Variants in PHACTR4 observed in about 807,000 individuals in gnomAD.
PHACTR4 encodes the protein protein phosphatase 1, regulatory subunit 124.
In PHACTR4, 51 loss-of-function variants were observed where a neutral mutation model predicts 72.7. That is an observed-to-expected ratio of 0.70 (90% CI 0.56 to 0.89). The LOEUF (loss-of-function observed/expected upper bound fraction) is 0.89, where lower values mean the gene tolerates loss of function less well. Among genes scored for constraint, PHACTR4 ranks in the 40% least tolerant of loss-of-function variants. PHACTR4 has a pLI of 0.00. For missense variants in PHACTR4, 731 were observed against 861.8 expected, an observed-to-expected ratio of 0.85 and a Z score of 1.90; for synonymous variants, 255 against 302.5, an observed-to-expected ratio of 0.84 and a Z score of 1.63.
intron 3 of PHACTR4, 47 bp from the exon 4 acceptor site, chr1:28,460,165 C>A: frequency 7.4e-7 from 1 of 1,348,188 alleles, no homozygotes; most frequent in Non-Finnish European, 1.1e-6. Flanking sequence ...GTAAGGTTGA[C>A]TTTCAACTGT....
intron 1 of PHACTR4, among the ~76,000 whole-genome samples, chr1:28,387,660 G>A (rs1652666400): frequency 6.6e-6 from 1 of 152,122 alleles, no homozygotes; most frequent in Non-Finnish European, 1.5e-5. Context: ...GCTGAGGCTG[G>A]AGGATTGCCT....
chr1:28,449,668 A>G (rs914455603), intron 2 of PHACTR4, among the ~76,000 whole-genome samples: 3 of 152,064 alleles, frequency 2.0e-5, no homozygotes, highest in African/African-American at 2.4e-5. Context: ...CCTGGCCAAC[A>G]TGGTGAAACC....
chr1:28,404,088 T>C (rs1474165160), intron 1 of PHACTR4, among the ~76,000 whole-genome samples: 2 of 152,102 alleles, frequency 1.3e-5, no homozygotes, highest in Non-Finnish European at 2.9e-5. Flanking sequence ...TAGCTGGGAC[T>C]ATAGGCACGT....
chr1:28,454,214 C>T (rs1658193679), intron 2 of PHACTR4, among the ~76,000 whole-genome samples: 1 of 150,298 alleles, frequency 6.7e-6, no homozygotes, highest in African/African-American at 2.4e-5. Flanking sequence ...TACCTCATAA[C>T]AGCTTCAAAG....
intron 2 of PHACTR4, among the ~76,000 whole-genome samples, chr1:28,416,892 A>G (rs2124322795): frequency 6.6e-6 from 1 of 152,248 alleles, no homozygotes; most frequent in Non-Finnish European, 1.5e-5. Flanking sequence ...TTGCTTAACC[A>G]AAGATTAGGT....
chr1:28,467,265 C>CATAAATGTA (rs1208907005), intron 6 of PHACTR4: 1 of 152,938 alleles, frequency 6.5e-6, no homozygotes, highest in Non-Finnish European at 1.5e-5. Flanking sequence ...GGCAGATGGC[C>CATAAATGTA]ATAAATGTAA....
At chr1:28,466,882 T>A (rs1403471028) in intron 6 of PHACTR4, 114 bp downstream of exon 6, 3 of 1,414,480 alleles carry the variant, frequency 2.1e-6, no homozygotes, top group Non-Finnish European at 2.9e-6. Context: ...CCATATCTTG[T>A]CCCTTTGAAT....
intron 1 of PHACTR4, among the ~76,000 whole-genome samples, chr1:28,380,035 GT>G (rs1440050440): frequency 7.8e-6 from 1 of 127,858 alleles, no homozygotes; most frequent in Non-Finnish European, 1.7e-5. Context: ...GTTATTCTGT[GT>G]TTTTTTAAAT....
rs566913741 is a variant in PHACTR4, at chr1:28,432,454, C to A, written c.16+24991C>A. Among the ~76,000 whole-genome samples the A allele has an allele frequency of 2.7e-5, 4 of 148,218 alleles. No individual in the cohort carries two copies. The South Asian group carries it at 8.5e-4, about 32-fold the overall frequency. On this transcript the variant is annotated intron_variant, in intron 2 of 13. Transcript: ENST00000373839. Reference sequence around the variant, plus strand: ...GTCCAGGAGTTTGAGACTGCCTGGACAACATAGTGTGACCCTGTCTCTATA... The same window carrying A: ...GTCCAGGAGTTTGAGACTGCCTGGAAAACATAGTGTGACCCTGTCTCTATA...
intron 9 of PHACTR4, among the ~76,000 whole-genome samples, chr1:28,482,192 T>C (rs1418353449): frequency 2.0e-5 from 3 of 152,088 alleles, no homozygotes; most frequent in Non-Finnish European, 4.4e-5. Flanking sequence ...CCACCACACC[T>C]GGCCAGCCTG....
At chr1:28,428,624 A>G (rs1344140488) in intron 2 of PHACTR4, among the ~76,000 whole-genome samples, 4 of 152,210 alleles carry the variant, frequency 2.6e-5, no homozygotes, top group Admixed American at 1.3e-4. Context: ...CTTCATGCCT[A>G]CCATTATTGA....
At chr1:28,485,999 A>T (rs72661787) in intron 9 of PHACTR4, among the ~76,000 whole-genome samples, 2,018 of 152,190 alleles carry the variant, frequency 0.013, 17 homozygotes, top group Middle Eastern at 0.11. Flanking sequence ...ATTGAAATTT[A>T]AAAAAACACA....
At chr1:28,465,903 A>C in intron 5 of PHACTR4, 54 bp downstream of exon 5, 1 of 1,522,572 alleles carries the variant, frequency 6.6e-7, no homozygotes, top group Non-Finnish European at 8.9e-7. Flanking sequence ...TATTCTCCTT[A>C]CATAAGGGGT....
chr1:28,395,818 A>ATTTT (rs754161784), intron 1 of PHACTR4, among the ~76,000 whole-genome samples: 28 of 75,000 alleles, frequency 3.7e-4, no homozygotes, highest in Non-Finnish European at 5.2e-4. Flanking sequence ...CGCCTGGCTA[A>ATTTT]TTTTTTTTTT....
Position 28,466,390 on chromosome 1 carries a change from G to A in PHACTR4, c.445G>A (p.Gly149Arg). The A allele has an allele frequency of 6.2e-7, 1 of 1,609,586 alleles. No homozygotes were observed. Among genetic ancestry groups the A allele is most frequent in the Non-Finnish European group, 8.5e-7 (1 of 1,176,228 alleles). The change falls in exon 6 of 14, where the codon GGA becomes AGA. Residue 149 changes from glycine to arginine, a missense_variant. Physicochemically the swap from Gly to Arg is moderately radical, Grantham distance 125. Coordinates refer to ENST00000373839, the MANE Select transcript of PHACTR4 (RefSeq NM_001048183.3). Reference sequence around the variant, plus strand: ...TACATGTTATTACACAGGCTCAACTGGAAGCCAGCCTAATTCTGAAGCAGA... The same window carrying A: ...TACATGTTATTACACAGGCTCAACTAGAAGCCAGCCTAATTCTGAAGCAGA... ...EDLKKRLGSTGSQPNSEAESV... is the reference protein window; with the variant it reads ...EDLKKRLGSTRSQPNSEAESV...
At chr1:28,453,686 G>T (rs975634575) in intron 2 of PHACTR4, 4 of 1,260,074 alleles carry the variant, frequency 3.2e-6, no homozygotes, top group Admixed American at 3.6e-5. Context: ...GACCCGTCCT[G>T]GTTCCTCTTA....
At chr1:28,419,138 T>C (rs897688123) in intron 2 of PHACTR4, among the ~76,000 whole-genome samples, 2 of 149,960 alleles carry the variant, frequency 1.3e-5, no homozygotes, top group African/African-American at 5.0e-5. Flanking sequence ...CCCGCCCCCA[T>C]GCCCAGCTAA....
rs772683234 is a variant in PHACTR4 at position 28,474,175 on chromosome 1, CTTA to C, written c.1421+27_1421+29del. 5 of 1,564,914 alleles carry C rather than the reference CTTA, an allele frequency of 3.2e-6. No individual in the cohort carries two copies. The South Asian group carries it at 4.7e-5, about 15-fold the overall frequency. ...GTGTAAGTGCCTTTAAAGCTTGCCT[CTTA>C]TTTCTCCTTTACTCTAGATAGCCCT... On this transcript the variant is annotated intron_variant, in intron 7 of 13. Transcript: ENST00000373839.
At chr1:28,403,283 G>A (rs1191402541) in intron 1 of PHACTR4, among the ~76,000 whole-genome samples, 2 of 152,148 alleles carry the variant, frequency 1.3e-5, no homozygotes, top group Admixed American at 6.5e-5. Flanking sequence ...TGGACCCCAC[G>A]GGGGCTCTGG....
Sources: allele counts gnomAD v4.1 joint callset (sites outside exome capture counted in the v4.1 genomes callset), GRCh38; gene constraint gnomAD v4.1.1; transcripts MANE v1.5; gene names NCBI Gene and HGNC (gene_info 2026-07-23, HGNC 2026-07-21).